The following ADGRF3 variants were observed in gnomAD, a reference collection of about 807,000 sequenced individuals.
ADGRF3 encodes the protein adhesion G protein-coupled receptor F3, also known as G protein-coupled receptor 113.
Under a neutral mutation model 93.2 loss-of-function variants are expected in ADGRF3, and 85 were observed. That is an observed-to-expected ratio of 0.91 (90% CI 0.77 to 1.09). The LOEUF is 1.09. Among genes scored for constraint, ADGRF3 ranks in the 50% least tolerant of loss-of-function variants. The pLI is 0.00. For missense variants in ADGRF3, 1,125 were observed against 1,246.2 expected, an observed-to-expected ratio of 0.90 and a Z score of 1.46; for synonymous variants, 534 against 532.5, an observed-to-expected ratio of 1.00 and a Z score of -0.04.
Position 26,311,564 on chromosome 2 carries a change from G to C in ADGRF3, c.1960C>G (p.Leu654Val), listed in dbSNP as rs1214188736. The change falls in exon 10 of 14, where the codon CTC becomes GTC. Residue 654 changes from leucine to valine, a missense_variant. Transcript: ENST00000651242. ...SPHCVFWDHS[L>V]FQGRGGWSKE... ...GACCAACCCCCCCTGCCCTGGAAGA[G>C]ACTGTGATCCCAGAAGACACAGTGA... 2 of 1,613,866 alleles carry C rather than the reference G, an allele frequency of 1.2e-6. No homozygotes were observed. The highest frequency in any genetic ancestry group is 2.2e-5 in the East Asian group (1 of 44,880).
At chr2:26,318,090 G>T in intron 1 of ADGRF3, 3 of 1,550,258 alleles carry the variant, frequency 1.9e-6, no homozygotes, top group Non-Finnish European at 2.6e-6. Context: ...AAAGCTAGAA[G>T]ATAGGGGGAT....
In ADGRF3 at chr2:26,320,427, C is replaced by T. The variant is rs1198203585; in HGVS notation, c.115-2865G>A. On this transcript the variant is annotated intron_variant, in intron 1 of 13. Transcript: ENST00000651242. ...AGGAGAACTGCTTGAACCTGTGAGGCGGAGGTTGCAGTGAGCTGAAATTGC... is the reference window on the plus strand; with the variant it reads ...AGGAGAACTGCTTGAACCTGTGAGGTGGAGGTTGCAGTGAGCTGAAATTGC... Among the ~76,000 whole-genome samples, 9 of 152,188 alleles carry T rather than the reference C, an allele frequency of 5.9e-5. No homozygotes were observed. The South Asian group carries it at 6.2e-4, about 11-fold the overall frequency.
Position 26,346,159 on chromosome 2 carries a change from C to G in ADGRF3, c.76G>C (p.Gly26Arg). The G allele has an allele frequency of 2.5e-6, 4 of 1,609,886 alleles. No homozygotes were observed. Among genetic ancestry groups the G allele is most frequent in the Non-Finnish European group, 3.4e-6 (4 of 1,178,178 alleles). ...YKAVTHKHHT[G>R]WARMAKTGLP... ...CCAGTCTTTGCCATCCTTGCCCAGCCGGTGTGGTGCTTGTGTGTCACAGCC... is the reference window on the plus strand; with the variant it reads ...CCAGTCTTTGCCATCCTTGCCCAGCGGGTGTGGTGCTTGTGTGTCACAGCC... Residue 26 changes from glycine (G) to arginine (R), a missense_variant, in exon 1 of 14, where the codon GGC becomes CGC. Gly to Arg is a moderately radical substitution (Grantham distance 125). Coordinates refer to ENST00000651242, the MANE Select transcript of ADGRF3 (RefSeq NM_001321971.2).
At chr2:26,318,920 G>T (rs1164653377) in intron 1 of ADGRF3, 4 of 1,551,208 alleles carry the variant, frequency 2.6e-6, no homozygotes, top group Admixed American at 2.0e-5. Flanking sequence ...GGTCCCCATT[G>T]TCGCCTCTGC....
In ADGRF3 at chr2:26,346,200, G is replaced by C. The variant is rs745428068; in HGVS notation, c.35C>G (p.Ala12Gly). 1.9e-6 allele frequency: 3 copies of C among 1,613,402 alleles called. No homozygotes were observed. The highest frequency in any genetic ancestry group is 1.7e-6 in the Non-Finnish European group (2 of 1,179,600). The change falls in exon 1 of 14, where the codon GCG (alanine) becomes GGG (glycine). Residue 12 changes from alanine (A) to glycine (G), a missense_variant. Ala to Gly is a moderately conservative substitution (Grantham distance 60). Coordinates refer to ENST00000651242, the MANE Select transcript of ADGRF3 (RefSeq NM_001321971.2). Reference sequence around the variant, plus strand: ...TGTCACAGCCTTGTAGCCGGGAGTCGCTGCCGAGTGGGCGCTCAGTTTTCG... The same window carrying C: ...TGTCACAGCCTTGTAGCCGGGAGTCCCTGCCGAGTGGGCGCTCAGTTTTCG... ...TTRKLSAHSA[A>G]TPGYKAVTHK...
intron 1 of ADGRF3, chr2:26,340,302 C>T (rs1233769108): frequency 1.3e-5 from 2 of 152,068 alleles, no homozygotes; most frequent in African/African-American, 4.8e-5. Context: ...TTGCCTTAAC[C>T]CCAGTATTTC....
chr2:26,310,332 G>C (rs1673961654), intron 10 of ADGRF3, 95 bp from the exon 11 acceptor site: 3 of 1,374,048 alleles, frequency 2.2e-6, no homozygotes, highest in Admixed American at 2.0e-5. Context: ...ACATCCTAAG[G>C]CTTCTCATCT....
At position 26,314,623 on chromosome 2, in the gene ADGRF3, C is replaced by G; in HGVS notation, c.719G>C (p.Gly240Ala). The change falls in exon 6 of 14, where the codon GGT (glycine) becomes GCT (alanine). Residue 240 changes from glycine (G) to alanine (A), a missense_variant and splice_region_variant. Transcript: ENST00000651242. ...GGCCTCGAAGCAGCTCATGTACTCACCTGCAGAAACGTGTGTGCGGCGCTA... is the reference window on the plus strand; with the variant it reads ...GGCCTCGAAGCAGCTCATGTACTCAGCTGCAGAAACGTGTGTGCGGCGCTA... ...SVSNMSHHWA[G>A]EYMSCFEAQG... 1 of 1,613,276 alleles carries G rather than the reference C, an allele frequency of 6.2e-7. No homozygotes were observed. Among genetic ancestry groups the G allele is most frequent in the Non-Finnish European group, 8.5e-7 (1 of 1,179,332 alleles).
At chr2:26,334,718 C>A (rs906500174) in intron 1 of ADGRF3, among the ~76,000 whole-genome samples, 1 of 152,190 alleles carries the variant, frequency 6.6e-6, no homozygotes, top group African/African-American at 2.4e-5. Flanking sequence ...TTGTCCTCTC[C>A]TACTTCATAT....
intron 1 of ADGRF3, among the ~76,000 whole-genome samples, chr2:26,342,918 T>C (rs1422006620): frequency 6.6e-6 from 1 of 152,232 alleles, no homozygotes; most frequent in Non-Finnish European, 1.5e-5. Context: ...GGTTTAGGAT[T>C]CACAGAATTC....
intron 1 of ADGRF3, among the ~76,000 whole-genome samples, chr2:26,342,989 G>C (rs1676473965): frequency 6.6e-6 from 1 of 152,144 alleles, no homozygotes; most frequent in African/African-American, 2.4e-5. Flanking sequence ...AAATACAAAA[G>C]CCAGTAAGAC....
chr2:26,312,880 C>A, intron 9 of ADGRF3, 63 bp downstream of exon 9: 1 of 1,468,900 alleles, frequency 6.8e-7, no homozygotes, highest in South Asian at 1.3e-5. Flanking sequence ...GAAATGCCCA[C>A]AGGTGGGGAG....
chr2:26,324,110 G>A (rs991784307), intron 1 of ADGRF3, among the ~76,000 whole-genome samples: 52 of 152,252 alleles, frequency 3.4e-4, no homozygotes, highest in South Asian at 8.3e-4. Context: ...AGTTAGCTGG[G>A]TGTGGCGGCA....
chr2:26,345,438 T>C (rs750456163), intron 1 of ADGRF3, among the ~76,000 whole-genome samples: 1 of 152,158 alleles, frequency 6.6e-6, no homozygotes, highest in Non-Finnish European at 1.5e-5. Context: ...AACGGTTTGA[T>C]AGAGCGGAGT....
chr2:26,319,799 A>G (rs1446328303), intron 1 of ADGRF3, among the ~76,000 whole-genome samples: 1 of 151,956 alleles, frequency 6.6e-6, no homozygotes, highest in Non-Finnish European at 1.5e-5. Flanking sequence ...TCATGATCAT[A>G]GCTCACAATA....
rs1674072420 is a variant in ADGRF3 at position 26,311,147 on chromosome 2, C to T, written c.2377G>A (p.Ala793Thr). ...TGGTGGGCCAACACCAGGGCCTGCG[C>T]CAGCATCCAGAAAAAGGTGGCCAGG... The part of the protein sequence containing the change: ...LYLATFFWML[A>T]QALVLAHQLL... The change falls in exon 10 of 14, where the codon GCG (alanine) becomes ACG (threonine). Residue 793 changes from alanine (A) to threonine (T), a missense_variant. Coordinates refer to ENST00000651242, the MANE Select transcript of ADGRF3 (RefSeq NM_001321971.2). 2 of 1,595,446 alleles carry T rather than the reference C, an allele frequency of 1.3e-6. No individual in the cohort carries two copies. The highest frequency in any genetic ancestry group is 2.3e-5 in the South Asian group (2 of 88,578).
intron 1 of ADGRF3, among the ~76,000 whole-genome samples, chr2:26,330,773 T>C (rs926080640): frequency 1.4e-4 from 22 of 152,204 alleles, no homozygotes; most frequent in Non-Finnish European, 8.8e-5. Flanking sequence ...CATTTCTGGA[T>C]TTGAGGTTGC....
chr2:26,342,077 A>G (rs1019054404), intron 1 of ADGRF3, among the ~76,000 whole-genome samples: 3 of 150,840 alleles, frequency 2.0e-5, no homozygotes. Flanking sequence ...CATCTCAAAA[A>G]AAAAACAACT....
intron 1 of ADGRF3, chr2:26,318,156 G>A (rs1490568437): frequency 7.3e-7 from 1 of 1,374,794 alleles, no homozygotes; most frequent in East Asian, 2.5e-5. Context: ...GCTGGCCCAA[G>A]GAGAGAGAAC....
Sources: gnomAD v4.1 joint callset for allele counts (sites outside exome capture counted in the v4.1 genomes callset) on GRCh38, gnomAD v4.1.1 for gene constraint, MANE v1.5 for transcripts, NCBI Gene and HGNC (gene_info 2026-07-23, HGNC 2026-07-21) for gene names.